SLC25A24: variants seen among roughly 807,000 people sequenced by gnomAD.
SLC25A24 encodes solute carrier family 25 member 24, also known as mitochondrial adenyl nucleotide antiporter SLC25A24.
In SLC25A24, 49 loss-of-function variants were observed where a neutral mutation model predicts 60.7. The ratio of observed to expected loss-of-function variants is 0.81; its 90% CI spans 0.64 to 1.02. The LOEUF (loss-of-function observed/expected upper bound fraction) is 1.02. SLC25A24 is among the 50% of genes least tolerant of loss of function. SLC25A24 has a pLI of 0.00. For synonymous variants in SLC25A24, 202 were observed against 200.6 expected (o/e 1.01, Z -0.06); for missense variants, 564 against 586.3 (o/e 0.96, Z 0.39).
intron 3 of SLC25A24, among the ~76,000 whole-genome samples, chr1:108,172,911 G>GTAATAATAA (rs549034051): frequency 6.6e-6 from 1 of 151,476 alleles, no homozygotes; most frequent in Admixed American, 6.6e-5. Context: ...ATAAACACTA[G>GTAATAATAA]TAATAATAAT....
At chr1:108,170,743 A>G (rs1329909443) in intron 3 of SLC25A24, among the ~76,000 whole-genome samples, 1 of 151,950 alleles carries the variant, frequency 6.6e-6, no homozygotes, top group Non-Finnish European at 1.5e-5. Flanking sequence ...TAACATAGCT[A>G]CCCCAGCTTT....
chr1:108,159,998 G>A (rs1051574772), intron 4 of SLC25A24, among the ~76,000 whole-genome samples: 1 of 152,164 alleles, frequency 6.6e-6, no homozygotes. Context: ...CCCAGATGGG[G>A]TGGTGGCCGG....
At chr1:108,166,068 G>A (rs1680244145) in intron 3 of SLC25A24, among the ~76,000 whole-genome samples, 1 of 152,004 alleles carries the variant, frequency 6.6e-6, no homozygotes, top group African/African-American at 2.4e-5. Flanking sequence ...AGTTTGGCTG[G>A]ATATGAAATT....
chr1:108,136,576 T>C lies in SLC25A24; in HGVS notation c.*77A>G, dbSNP rs1386110551. 3 of 1,290,190 alleles carry C rather than the reference T, an allele frequency of 2.3e-6. No individual in the cohort carries two copies. The African/African-American group carries it at 4.5e-5, about 19-fold the overall frequency. The allele number at this position is 1,290,190 out of a possible 1,614,324, so 79.9% of individuals were successfully genotyped here. ...TGCAGCTTCTTTTGCCATAGACTTG[T>C]TTCAATTCGAGGAGAAAAAGTCACT... On this transcript the variant is annotated 3_prime_UTR_variant, in exon 10 of 10. Transcript: ENST00000565488.
intron 1 of SLC25A24, chr1:108,192,926 C>A: frequency 2.9e-6 from 1 of 341,670 alleles, no homozygotes; most frequent in South Asian, 8.2e-5. Flanking sequence ...ATCAGAAGCC[C>A]CGGCTCCCAC....
Position 108,154,990 on chromosome 1 carries a change from T to C in SLC25A24, c.815A>G (p.Tyr272Cys). 3.1e-6 allele frequency: 5 copies of C among 1,607,962 alleles called. No homozygotes were observed. Among genetic ancestry groups the C allele is most frequent in the Non-Finnish European group, 4.2e-6 (5 of 1,177,454 alleles). The change falls in exon 6 of 10, where the codon TAT becomes TGT. Residue 272 changes from tyrosine (Y) to cysteine (C), a missense_variant. Coordinates refer to ENST00000565488, the MANE Select transcript of SLC25A24 (RefSeq NM_013386.5). ...APETAVKFWA[Y>C]EQYKKLLTEE... is the part of the protein sequence containing the mutation. ...ACGGGTGATAACAATTACCTGTTCA[T>C]ATGCCCAGAATTTAACAGCTGTCTC...
intron 3 of SLC25A24, among the ~76,000 whole-genome samples, chr1:108,162,604 G>A (rs1232698029): frequency 6.6e-6 from 1 of 152,110 alleles, no homozygotes; most frequent in East Asian, 1.9e-4. Flanking sequence ...TTCGAGAAGT[G>A]TCTGTTCATG....
chr1:108,166,416 C>G (rs2101624018), intron 3 of SLC25A24, among the ~76,000 whole-genome samples: 1 of 152,312 alleles, frequency 6.6e-6, no homozygotes, highest in South Asian at 2.1e-4. Context: ...TTCTCCCCGT[C>G]ACTTTCAGGT....
At chr1:108,199,805 C>A (rs1366986457) in intron 1 of SLC25A24, 151 bp downstream of exon 1, 3 of 639,638 alleles carry the variant, frequency 4.7e-6, no homozygotes, top group Admixed American at 3.0e-5. Context: ...GGCCCCACGC[C>A]CGAGTTTCTG....
At chr1:108,192,774 C>T in intron 1 of SLC25A24, 1 of 1,329,624 alleles carries the variant, frequency 7.5e-7, no homozygotes, top group Non-Finnish European at 9.7e-7. Context: ...AATGCACCTT[C>T]ATCGGTTAAA....
intron 6 of SLC25A24, 150 bp from the exon 7 acceptor site, chr1:108,148,536 G>A: frequency 3.3e-6 from 2 of 605,690 alleles, no homozygotes; most frequent in Non-Finnish European, 5.9e-6. Context: ...AGGTCATGAG[G>A]ATGGAGCCCT....
intron 6 of SLC25A24, among the ~76,000 whole-genome samples, chr1:108,149,142 A>T (rs1679686362): frequency 6.6e-6 from 1 of 152,240 alleles, no homozygotes; most frequent in Non-Finnish European, 1.5e-5. Context: ...AAAATGAATA[A>T]ATAGGTGACA....
chr1:108,171,660 T>C lies in SLC25A24; in HGVS notation c.398+10281A>G, dbSNP rs1201839281. On this transcript the variant is annotated intron_variant, in intron 3 of 9. Transcript: ENST00000565488. ...TTGCAACGTGGTGGACATAGAACTG[T>C]TAACCAGATACACATGGTCTGTGCC... is the stretch of plus-strand genomic sequence containing the variant. 2.6e-5 allele frequency among the ~76,000 whole-genome samples: 4 copies of C among 152,240 alleles called. No individual in the cohort carries two copies. In the East Asian group the frequency reaches 7.7e-4, roughly 29 times the overall value.
At chr1:108,198,714 C>T (rs760146593) in intron 1 of SLC25A24, 6 of 152,148 alleles carry the variant, frequency 3.9e-5, no homozygotes, top group African/African-American at 7.2e-5. Flanking sequence ...TTGTAGGGAC[C>T]ATGGAGTTGT....
intron 3 of SLC25A24, among the ~76,000 whole-genome samples, chr1:108,181,703 C>A (rs767673073): frequency 5.3e-5 from 8 of 152,178 alleles, no homozygotes; most frequent in African/African-American, 9.7e-5. Context: ...TTACTTCCTG[C>A]CATTCCACTA....
At chr1:108,179,995 AAAAT>A (rs1186850681) in intron 3 of SLC25A24, among the ~76,000 whole-genome samples, 2 of 152,148 alleles carry the variant, frequency 1.3e-5, no homozygotes, top group East Asian at 1.9e-4. Context: ...TGTCAATTTA[AAAAT>A]AAATAAATGT....
chr1:108,157,976 G>A (rs757697082), intron 4 of SLC25A24, among the ~76,000 whole-genome samples: 1 of 152,050 alleles, frequency 6.6e-6, no homozygotes, highest in Non-Finnish European at 1.5e-5. Flanking sequence ...TTTTCATAAG[G>A]CTAGAAAACC....
At chr1:108,186,116 G>C (rs115898517) in intron 1 of SLC25A24, among the ~76,000 whole-genome samples, 162 bp from the exon 2 acceptor site, 55 of 152,298 alleles carry the variant, frequency 3.6e-4, no homozygotes, top group African/African-American at 1.1e-3. Flanking sequence ...TATAATAAAA[G>C]TAATTCCACT....
chr1:108,161,039 A>G (rs1294347110), intron 4 of SLC25A24, 143 bp downstream of exon 4: 3 of 541,478 alleles, frequency 5.5e-6, no homozygotes, highest in African/African-American at 2.0e-5. Context: ...TCTATGCCTA[A>G]TAGAATAAAT....
Sources: gnomAD v4.1 joint callset for allele counts (sites outside exome capture counted in the v4.1 genomes callset) on GRCh38, gnomAD v4.1.1 for gene constraint, MANE v1.5 for transcripts, NCBI Gene and HGNC (gene_info 2026-07-23, HGNC 2026-07-21) for gene names.